The following EYA4 variants were observed in gnomAD, a reference collection of about 807,000 sequenced individuals.
EYA4 encodes protein phosphatase EYA4.
In EYA4, 31 loss-of-function variants were observed where a neutral mutation model predicts 87.9. The observed-to-expected ratio is 0.35, with a 90% confidence interval of 0.27 to 0.48. The LOEUF (loss-of-function observed/expected upper bound fraction) is 0.48, where lower values mean the gene tolerates loss of function less well. Among genes scored for constraint, EYA4 ranks in the 20% least tolerant of loss-of-function variants. The pLI is 0.99. For missense variants in EYA4, 678 were observed against 761.4 expected, an observed-to-expected ratio of 0.89 and a Z score of 1.29; for synonymous variants, 263 against 270.6, an observed-to-expected ratio of 0.97 and a Z score of 0.28.
At position 133,473,344 on chromosome 6, in the gene EYA4, G is replaced by A. The variant is rs138792785; in HGVS notation, c.970+4613G>A. On this transcript the variant is annotated intron_variant, in intron 11 of 19. Coordinates refer to ENST00000355286, the MANE Select transcript of EYA4 (RefSeq NM_004100.5). ...TATTTCAGCAGTAAATGAGCTCTTT[G>A]CCCACCTTTGGCTTTCATTTGACAA... Among the ~76,000 whole-genome samples, 3 of 152,102 alleles carry A rather than the reference G, an allele frequency of 2.0e-5. No individual in the cohort carries two copies. The East Asian group carries it at 5.8e-4, about 29-fold the overall frequency.
chr6:133,512,798 T>A lies in EYA4; in HGVS notation c.1340+19T>A, dbSNP rs748130146. 1 of 1,612,354 alleles carries A rather than the reference T, an allele frequency of 6.2e-7. No homozygotes were observed. Among genetic ancestry groups the A allele is most frequent in the South Asian group, 1.1e-5 (1 of 91,048 alleles). On this transcript the variant is annotated intron_variant, in intron 15 of 19. Coordinates refer to ENST00000355286, the MANE Select transcript of EYA4 (RefSeq NM_004100.5). ...ACTTAAGGTAAGCTATGCCTTTCAG[T>A]ATGCTGTTTCCTACAGAAATTCGGC...
At chr6:133,254,494 A>G (rs772798496) in intron 1 of EYA4, among the ~76,000 whole-genome samples, 2 of 152,116 alleles carry the variant, frequency 1.3e-5, no homozygotes, top group Non-Finnish European at 2.9e-5. Flanking sequence ...GTTTGTTTTT[A>G]GGCATTTTCC....
intron 3 of EYA4, among the ~76,000 whole-genome samples, chr6:133,388,178 G>A (rs575535682): frequency 1.4e-4 from 21 of 152,046 alleles, no homozygotes; most frequent in South Asian, 4.2e-4. Flanking sequence ...AGGCTGAGGC[G>A]GGTGGATCAT....
intron 2 of EYA4, among the ~76,000 whole-genome samples, chr6:133,321,512 G>A (rs1314310368): frequency 6.6e-6 from 1 of 152,050 alleles, no homozygotes; most frequent in Admixed American, 6.6e-5. Context: ...GTTGTTGTTT[G>A]CAGAAGTTTT....
intron 1 of EYA4, among the ~76,000 whole-genome samples, chr6:133,253,220 CAG>C (rs142014001): frequency 3.9e-4 from 59 of 152,134 alleles, no homozygotes; most frequent in African/African-American, 1.0e-3. Flanking sequence ...GAATTTGAGA[CAG>C]GGGTTTAAAT....
At chr6:133,272,834 T>C (rs1776814471) in intron 1 of EYA4, among the ~76,000 whole-genome samples, 1 of 152,122 alleles carries the variant, frequency 6.6e-6, no homozygotes, top group African/African-American at 2.4e-5. Flanking sequence ...GTAAAGTGAA[T>C]GATTAAAGGT....
intron 3 of EYA4, among the ~76,000 whole-genome samples, chr6:133,391,033 G>A (rs1387409132): frequency 2.6e-5 from 4 of 152,178 alleles, no homozygotes; most frequent in Non-Finnish European, 5.9e-5. Context: ...TTTTTGGATA[G>A]TCCCACTTGA....
intron 11 of EYA4, among the ~76,000 whole-genome samples, chr6:133,476,401 A>G (rs1364289821): frequency 6.6e-6 from 1 of 151,988 alleles, no homozygotes. Context: ...ACAGCTCCCC[A>G]GTCTCCCTCT....
chr6:133,525,298 G>A, intron 19 of EYA4, 44 bp downstream of exon 19: 3 of 1,513,598 alleles, frequency 2.0e-6, no homozygotes, highest in East Asian at 2.3e-5. Context: ...TCTAATGCAA[G>A]CCTTTTTGTT....
At chr6:133,425,685 T>G (rs930157602) in intron 3 of EYA4, among the ~76,000 whole-genome samples, 2 of 150,804 alleles carry the variant, frequency 1.3e-5, no homozygotes, top group Non-Finnish European at 2.9e-5. Flanking sequence ...GTTGCCGCTA[T>G]GACTGCTTTA....
chr6:133,314,271 T>C (rs1214345059), intron 2 of EYA4, among the ~76,000 whole-genome samples: 1 of 152,182 alleles, frequency 6.6e-6, no homozygotes, highest in Non-Finnish European at 1.5e-5. Flanking sequence ...TTGTATATGT[T>C]ATACACAAAA....
At chr6:133,260,654 T>C (rs1775726118) in intron 1 of EYA4, among the ~76,000 whole-genome samples, 2 of 152,234 alleles carry the variant, frequency 1.3e-5, no homozygotes, top group South Asian at 2.1e-4. Flanking sequence ...TTTATTTTAT[T>C]TTATTTTTTT....
intron 1 of EYA4, among the ~76,000 whole-genome samples, chr6:133,253,822 A>G (rs751180779): frequency 1.3e-5 from 2 of 151,978 alleles, no homozygotes; most frequent in Non-Finnish European, 2.9e-5. Context: ...GGCTCATTGT[A>G]TGTGTCTGTC....
chr6:133,247,561 G>A (rs1276619913), intron 1 of EYA4: 1 of 152,114 alleles, frequency 6.6e-6, no homozygotes, highest in African/African-American at 2.4e-5. Context: ...CAATTTATCT[G>A]GTTATCGCAT....
At chr6:133,462,238 T>C (rs1420318403) in intron 7 of EYA4, 97 bp from the exon 8 acceptor site, 1 of 1,301,270 alleles carries the variant, frequency 7.7e-7, no homozygotes, top group Non-Finnish European at 1.1e-6. Flanking sequence ...ATAAAGAGGA[T>C]TACTTCCTGG....
intron 11 of EYA4, among the ~76,000 whole-genome samples, chr6:133,475,136 T>C (rs1795613365): frequency 6.6e-6 from 1 of 152,118 alleles, no homozygotes; most frequent in Admixed American, 6.6e-5. Flanking sequence ...CATTCCATTA[T>C]TTAATTTACC....
rs111411986 is a variant in EYA4, at chr6:133,350,473, GT to G, written c.34-31917del. Among the ~76,000 whole-genome samples the G allele has an allele frequency of 8.8e-4, 134 of 152,232 alleles. 1 individual carries two copies. In the Middle Eastern group the frequency reaches 0.01, roughly 12 times the overall value. On this transcript the variant is annotated intron_variant, in intron 2 of 19. Coordinates refer to ENST00000355286, the MANE Select transcript of EYA4 (RefSeq NM_004100.5). ...AATGGGGACTTTTGAGCACAGACCA[GT>G]TGGCAAGAAAGGCAACCGTTCAAAT... is the stretch of plus-strand genomic sequence containing the variant.
intron 2 of EYA4, among the ~76,000 whole-genome samples, chr6:133,294,892 A>C (rs532200787): frequency 9.4e-4 from 143 of 152,184 alleles, no homozygotes; most frequent in African/African-American, 3.2e-3. Flanking sequence ...ATTTCTTCTT[A>C]TTGAAACGTA....
intron 3 of EYA4, among the ~76,000 whole-genome samples, chr6:133,391,145 G>A (rs1036246575): frequency 1.3e-5 from 2 of 151,886 alleles, no homozygotes; most frequent in Non-Finnish European, 2.9e-5. Context: ...ACTCTTATTG[G>A]TTGCAGCTAC....
Sources: allele counts gnomAD v4.1 joint callset (sites outside exome capture counted in the v4.1 genomes callset), GRCh38; gene constraint gnomAD v4.1.1; transcripts MANE v1.5; gene names NCBI Gene and HGNC (gene_info 2026-07-23, HGNC 2026-07-21).